The following FGF13 variants were observed in gnomAD, a reference collection of about 807,000 sequenced individuals.
FGF13 encodes fibroblast growth factor 13.
A neutral mutation model predicts 19.5 loss-of-function variants in FGF13; 2 were observed. That is an observed-to-expected ratio of 0.10 (90% CI 0.04 to 0.32). FGF13 has a LOEUF of 0.32. FGF13 is among the 10% of genes least tolerant of loss of function. The pLI is 1.00. For synonymous variants in FGF13, 72 were observed against 76.9 expected (o/e 0.94, Z 0.33); for missense variants, 113 against 192.7 (o/e 0.59, Z 2.45).
At chrX:138,993,260 C>T (rs1360033611) in intron 1 of FGF13, among the ~76,000 whole-genome samples, 1 of 75,565 alleles carries the variant, frequency 1.3e-5, no homozygotes, top group African/African-American at 4.5e-5. Context: ...CTGGTGAAAT[C>T]TAAATAAAAT....
At chrX:138,757,613 C>T (rs748416335) in intron 3 of FGF13, among the ~76,000 whole-genome samples, 15 of 110,296 alleles carry the variant, frequency 1.4e-4, no homozygotes, top group Non-Finnish European at 2.6e-4. Flanking sequence ...GACATGGCAA[C>T]GGAGCACAGG....
At chrX:138,791,453 A>AT (rs2090742197) in intron 3 of FGF13, among the ~76,000 whole-genome samples, 1 of 112,311 alleles carries the variant, frequency 8.9e-6, no homozygotes, top group Admixed American at 9.4e-5. Context: ...AGCTAGGCCC[A>AT]CCTTTTTATG....
intron 1 of FGF13, among the ~76,000 whole-genome samples, chrX:139,128,339 T>C (rs17001991): frequency 0.021 from 2,398 of 111,764 alleles, 66 homozygotes; most frequent in African/African-American, 0.074. Context: ...GAATGCATAC[T>C]CTCGGCAGTA....
chrX:138,995,160 A>C (rs2092036216), intron 1 of FGF13, among the ~76,000 whole-genome samples: 1 of 111,224 alleles, frequency 9.0e-6, no homozygotes, highest in Admixed American at 9.6e-5. Flanking sequence ...GAATCTGTGC[A>C]CTTGGGAGAG....
chrX:138,843,299 G>A lies in FGF13; in HGVS notation c.217+14213C>T, dbSNP rs1017140332. 8.9e-4 allele frequency among the ~76,000 whole-genome samples: 100 copies of A among 112,306 alleles called. 3 individuals carry two copies. Among genetic ancestry groups the A allele is most frequent in the Non-Finnish European group, 1.9e-5 (1 of 53,244 alleles). On this transcript the variant is annotated intron_variant, in intron 3 of 6. Transcript: ENST00000436198. ...CCTTTCTCTAGGTTACCACATAGGT[G>A]AGAAAAGGATGACAGGATATCAAAG...
chrX:138,732,370 C>T lies in FGF13; in HGVS notation c.28+6872G>A, dbSNP rs772573390. On this transcript the variant is annotated intron_variant, in intron 1 of 4. Transcript: ENST00000305414. ...CTGAATGAGAGAATAGATACACAAA[C>T]TGGCATATTCATGCAATGGATACTA... is the stretch of plus-strand genomic sequence containing the variant. Among the ~76,000 whole-genome samples the T allele has an allele frequency of 4.5e-5, 5 of 112,126 alleles. 1 individual carries two copies. The highest frequency in any genetic ancestry group is 7.3e-4 in the South Asian group (2 of 2,734).
chrX:139,143,576 G>C (rs1332385842), intron 1 of FGF13, among the ~76,000 whole-genome samples: 7 of 112,280 alleles, frequency 6.2e-5, no homozygotes, highest in African/African-American at 1.3e-4. Flanking sequence ...TGTGTTGTCT[G>C]TCTTCCCCAC....
chrX:138,739,249 C>T (rs753712009), exon 1 of FGF13: 20 of 1,136,398 alleles, frequency 1.8e-5, no homozygotes, highest in East Asian at 1.2e-4. Context: ...TACCTGAATA[C>T]GACTTCCTTA....
chrX:138,875,869 C>T (rs1353245898), intron 1 of FGF13, among the ~76,000 whole-genome samples: 2 of 111,624 alleles, frequency 1.8e-5, no homozygotes, highest in African/African-American at 6.5e-5. Context: ...GGCGTTTGGA[C>T]TTGGATTAGA....
At chrX:138,956,755 G>C (rs1209625010) in intron 1 of FGF13, among the ~76,000 whole-genome samples, 2 of 111,211 alleles carry the variant, frequency 1.8e-5, no homozygotes, top group Non-Finnish European at 3.8e-5. Flanking sequence ...GGATTCTCTG[G>C]TTAAAATAGT....
At chrX:138,634,715 G>A (rs746858490) in intron 4 of FGF13, among the ~76,000 whole-genome samples, 1 of 112,373 alleles carries the variant, frequency 8.9e-6, no homozygotes, top group African/African-American at 3.2e-5. Flanking sequence ...CCTTACTGCT[G>A]CAAGAATGGC....
rs2089064893 is a variant in FGF13, at chrX:138,626,504, A to AT, written c.*6345dup. The AT allele has an allele frequency of 8.9e-6, 1 of 111,824 alleles. No individual in the cohort carries two copies. 9.2% of individuals were successfully genotyped at this position (111,824 alleles called of 1,213,427 possible). A position where few individuals can be genotyped will look rare whatever the true frequency, so the allele number is the denominator to read the frequency against. ...TAATCAAAAATTTTTCCTCCATTGT[A>AT]TTTTTTACATCACAGCATTTATTGC... On this transcript the variant is annotated 3_prime_UTR_variant, in exon 5 of 5. Coordinates refer to ENST00000315930, the MANE Select transcript of FGF13 (RefSeq NM_004114.5).
intron 1 of FGF13, among the ~76,000 whole-genome samples, chrX:138,978,829 GGATTTTGA>G (rs2091951798): frequency 8.9e-6 from 1 of 111,804 alleles, no homozygotes; most frequent in Admixed American, 9.5e-5. Context: ...ATGTTTTACA[GGATTTTGA>G]GATAATGGAG....
At chrX:139,002,675 G>A (rs1194116786) in intron 1 of FGF13, among the ~76,000 whole-genome samples, 1 of 111,236 alleles carries the variant, frequency 9.0e-6, no homozygotes, top group African/African-American at 3.3e-5. Flanking sequence ...CTTGCATCAC[G>A]GATACCAGCT....
chrX:139,099,311 C>T (rs1421551872), intron 1 of FGF13, among the ~76,000 whole-genome samples: 4 of 100,841 alleles, frequency 4.0e-5, no homozygotes, highest in South Asian at 4.9e-4. Context: ...TGTCGAGTTG[C>T]TATCCACAAC....
intron 3 of FGF13, among the ~76,000 whole-genome samples, chrX:138,684,036 T>C (rs1035131529): frequency 1.3e-4 from 15 of 111,789 alleles, no homozygotes; most frequent in African/African-American, 4.9e-4. Flanking sequence ...ATCCCATCTA[T>C]TTCAAATATG....
chrX:138,907,779 T>G (rs1216294432), intron 1 of FGF13, among the ~76,000 whole-genome samples: 1 of 111,463 alleles, frequency 9.0e-6, no homozygotes, highest in Non-Finnish European at 1.9e-5. Flanking sequence ...ACACATGGGG[T>G]TTCACTGGCA....
Position 138,629,512 on chromosome X carries a change from CTGTT to C in FGF13, c.*3334_*3337del, listed in dbSNP as rs1202377484. 3.6e-5 allele frequency: 4 copies of C among 110,947 alleles called. No individual in the cohort carries two copies. Among genetic ancestry groups the C allele is most frequent in the Admixed American group, 9.6e-5 (1 of 10,374 alleles). 9.1% of individuals were successfully genotyped at this position (110,947 alleles called of 1,213,427 possible). On this transcript the variant is annotated 3_prime_UTR_variant, in exon 5 of 5. Coordinates refer to ENST00000315930, the MANE Select transcript of FGF13 (RefSeq NM_004114.5). ...TATAGTGAGGAAGTTCTCACTAAAT[CTGTT>C]TGATAAGTGGCGCTTTCCCATTCTC... is the stretch of plus-strand genomic sequence containing the variant.
At position 138,880,342 on chromosome X, in the gene FGF13, A is replaced by G. The variant is rs181210588; in HGVS notation, c.-112-15692T>C. ...AATCCCACTACTGGGTATATACCCA[A>G]AGGATTATAAATCATGCTGCTATAA... On this transcript the variant is annotated intron_variant, in intron 1 of 2. Transcript: ENST00000421460. Among the ~76,000 whole-genome samples the G allele has an allele frequency of 3.0e-3, 337 of 112,221 alleles. 3 individuals carry two copies. The highest frequency in any genetic ancestry group is 0.028 in the Admixed American group (292 of 10,578).
Sources: gnomAD v4.1 joint callset for allele counts (sites outside exome capture counted in the v4.1 genomes callset) on GRCh38, gnomAD v4.1.1 for gene constraint, MANE v1.5 for transcripts, NCBI Gene and HGNC (gene_info 2026-07-23, HGNC 2026-07-21) for gene names.